FSTL4: variants seen among roughly 807,000 people sequenced by gnomAD.
FSTL4 encodes follistatin-related protein 4.
In FSTL4, 28 loss-of-function variants were observed where a neutral mutation model predicts 78.2. That is an observed-to-expected ratio of 0.36 (90% CI 0.27 to 0.49). FSTL4 has a LOEUF of 0.49. FSTL4 is among the 20% of genes least tolerant of loss of function. FSTL4 has a pLI of 0.98. For synonymous variants in FSTL4, 422 were observed against 440.5 expected (o/e 0.96, Z 0.53); for missense variants, 922 against 1,084.9 (o/e 0.85, Z 2.11).
chr5:133,839,002 C>T, the FSTL4 span, among the ~76,000 whole-genome samples: 1 of 152,236 alleles, frequency 6.6e-6, no homozygotes, highest in African/African-American at 2.4e-5. Flanking sequence ...TGGTCTCAAA[C>T]AAGTCAGTCT....
chr5:133,322,010 C>T (rs1754069793), intron 4 of FSTL4, among the ~76,000 whole-genome samples: 1 of 152,144 alleles, frequency 6.6e-6, no homozygotes, highest in African/African-American at 2.4e-5. Context: ...TTGTGTTGTT[C>T]TAAATAAGGG....
intron 3 of FSTL4, among the ~76,000 whole-genome samples, chr5:133,504,839 T>A (rs1006019258): frequency 7.2e-5 from 11 of 152,192 alleles, no homozygotes; most frequent in Non-Finnish European, 7.3e-5. Flanking sequence ...TTCTTTTCCT[T>A]CATAGCTCTT....
chr5:133,292,705 T>C (rs1406557345), intron 6 of FSTL4, among the ~76,000 whole-genome samples: 2 of 150,618 alleles, frequency 1.3e-5, no homozygotes, highest in Non-Finnish European at 2.9e-5. Context: ...CCACAAGTTA[T>C]GATTTATATT....
the FSTL4 span, among the ~76,000 whole-genome samples, chr5:133,774,973 C>T: frequency 1.4e-5 from 2 of 139,842 alleles, no homozygotes; most frequent in Non-Finnish European, 3.1e-5. Flanking sequence ...TATATTTCTT[C>T]TAAAATGACA....
At chr5:133,459,971 A>G (rs923726009) in intron 3 of FSTL4, among the ~76,000 whole-genome samples, 4 of 152,198 alleles carry the variant, frequency 2.6e-5, no homozygotes, top group African/African-American at 9.7e-5. Context: ...CATGAGGCTG[A>G]TTCACACTTC....
chr5:133,398,516 C>T (rs1723737624), intron 4 of FSTL4, among the ~76,000 whole-genome samples: 1 of 152,214 alleles, frequency 6.6e-6, no homozygotes, highest in Non-Finnish European at 1.5e-5. Flanking sequence ...AACCCTTGCT[C>T]CTGCCTCTGC....
intron 1 of FSTL4, among the ~76,000 whole-genome samples, chr5:133,605,009 A>T (rs1760947716): frequency 6.6e-6 from 1 of 152,244 alleles, no homozygotes; most frequent in Non-Finnish European, 1.5e-5. Context: ...AGGATCAGCT[A>T]CAACAAATAT....
chr5:133,210,649 G>A (rs550358517), intron 13 of FSTL4, among the ~76,000 whole-genome samples: 38 of 151,920 alleles, frequency 2.5e-4, no homozygotes, highest in Admixed American at 6.6e-4. Flanking sequence ...TACACACCAC[G>A]CCCTGCTAAC....
chr5:133,572,127 T>C (rs572755196), intron 2 of FSTL4, among the ~76,000 whole-genome samples: 34 of 152,114 alleles, frequency 2.2e-4, no homozygotes, highest in African/African-American at 7.2e-4. Context: ...CAAAGACAAA[T>C]AGAAAATCTT....
chr5:133,796,604 C>A, the FSTL4 span, among the ~76,000 whole-genome samples: 1 of 152,074 alleles, frequency 6.6e-6, no homozygotes, highest in Admixed American at 6.5e-5. Context: ...CCACCCCCAA[C>A]CAAACTCCCC....
At chr5:133,831,775 A>G in the FSTL4 span, among the ~76,000 whole-genome samples, 1 of 152,194 alleles carries the variant, frequency 6.6e-6, no homozygotes, top group Non-Finnish European at 1.5e-5. Flanking sequence ...AAAGAAAGGA[A>G]TGCTAATTTG....
Position 133,440,728 on chromosome 5 carries a change from G to A in FSTL4, c.161-39742C>T, listed in dbSNP as rs1757142017. Among the ~76,000 whole-genome samples, 1 of 152,152 alleles carries A rather than the reference G, an allele frequency of 6.6e-6. No homozygotes were observed. Among genetic ancestry groups the A allele is most frequent in the Non-Finnish European group, 1.5e-5 (1 of 68,038 alleles). On this transcript the variant is annotated intron_variant, in intron 3 of 15. Transcript: ENST00000265342. The surrounding 1 kb of genome is among the most constrained non-coding windows in gnomAD (Gnocchi z 4.1). ...AGAGAAGACAGTGGAGACTGCAAGA[G>A]GCCTAGCCCAGACACAGCGTGGAAG...
intron 8 of FSTL4, among the ~76,000 whole-genome samples, chr5:133,227,548 G>C (rs569221091): frequency 5.9e-5 from 9 of 152,278 alleles, no homozygotes; most frequent in Non-Finnish European, 1.0e-4. Context: ...ACTGGCCTTG[G>C]GGGTGGTTGG....
intron 3 of FSTL4, among the ~76,000 whole-genome samples, chr5:133,413,514 T>C (rs1756520981): frequency 6.6e-6 from 1 of 152,192 alleles, no homozygotes; most frequent in South Asian, 2.1e-4. Flanking sequence ...CAAACACACA[T>C]ATTTCTTTGC....
chr5:133,607,126 T>G (rs1034548423), intron 1 of FSTL4, among the ~76,000 whole-genome samples: 5 of 152,210 alleles, frequency 3.3e-5, no homozygotes, highest in Admixed American at 3.3e-4. Flanking sequence ...GGGCAGCTTG[T>G]TTGTAAAGTT....
chr5:133,238,576 G>A (rs756216845), intron 7 of FSTL4, among the ~76,000 whole-genome samples: 9 of 151,674 alleles, frequency 5.9e-5, no homozygotes, highest in African/African-American at 1.9e-4. Context: ...CAGTACATGC[G>A]AGTGTGCACA....
At chr5:133,347,704 T>C (rs745653881) in intron 4 of FSTL4, among the ~76,000 whole-genome samples, 7 of 152,220 alleles carry the variant, frequency 4.6e-5, no homozygotes, top group Non-Finnish European at 7.3e-5. Flanking sequence ...CGTATTTTCC[T>C]TTTCTTAGTC....
chr5:133,490,806 T>G (rs1049487257), intron 3 of FSTL4, among the ~76,000 whole-genome samples: 1 of 152,214 alleles, frequency 6.6e-6, no homozygotes, highest in Non-Finnish European at 1.5e-5. Context: ...ATTTTTGTAT[T>G]GTGCATGCAA....
At chr5:133,210,374 T>C in intron 13 of FSTL4, 76 bp from the exon 14 acceptor site, 1 of 815,220 alleles carries the variant, frequency 1.2e-6, no homozygotes, top group Non-Finnish European at 2.1e-6. Context: ...TGGGCATCAC[T>C]CCTGGGCGAG....
Sources: gnomAD v4.1 joint callset for allele counts (sites outside exome capture counted in the v4.1 genomes callset) on GRCh38, gnomAD v4.1.1 for gene constraint, Gnocchi (gnomAD v3.1) non-coding constraint, MANE v1.5 for transcripts, NCBI Gene and HGNC (gene_info 2026-07-23, HGNC 2026-07-21) for gene names.